DCK: variants seen among roughly 807,000 people sequenced by gnomAD.
DCK encodes deoxyadenosine kinase.
DCK carries 23 observed loss-of-function variants against 38.3 expected under a neutral mutation model. The observed-to-expected ratio is 0.60, with a 90% CI of 0.43 to 0.85. The LOEUF is 0.85. Among genes scored for constraint, DCK ranks in the 40% least tolerant of loss-of-function variants. The pLI, the probability that DCK is intolerant of heterozygous loss-of-function variation, is 0.00. For missense variants in DCK, 259 were observed against 304.4 expected (o/e 0.85, Z 1.11); for synonymous variants, 108 against 100.6 (o/e 1.07, Z -0.44).
chr4:71,006,941 A>T (rs1739960616), intron 2 of DCK, among the ~76,000 whole-genome samples: 1 of 152,250 alleles, frequency 6.6e-6, no homozygotes, highest in Admixed American at 6.5e-5. Flanking sequence ...TGGTATAAGG[A>T]ATTCTGGGAA....
intron 2 of DCK, among the ~76,000 whole-genome samples, chr4:70,999,653 TC>T (rs539872048): frequency 1.3e-5 from 2 of 152,226 alleles, no homozygotes; most frequent in African/African-American, 4.8e-5. Context: ...GTAAAAGCAT[TC>T]CTATTTCTCC....
In DCK at chr4:71,029,587, G is replaced by A; in HGVS notation, c.*209G>A. 1.9e-6 allele frequency: 1 copy of A among 523,446 alleles called. No homozygotes were observed. Among genetic ancestry groups the A allele is most frequent in the Non-Finnish European group, 3.4e-6 (1 of 295,092 alleles). 32.4% of individuals were successfully genotyped at this position (523,446 alleles called of 1,614,324 possible). ...TTTTTTTTTAAAAAAGACATTTAAA[G>A]ACAAAGACATTATTTCTCATAGCAG... is the stretch of plus-strand genomic sequence containing the variant. On this transcript the variant is annotated 3_prime_UTR_variant, in exon 7 of 7. Coordinates refer to ENST00000286648, the MANE Select transcript of DCK (RefSeq NM_000788.3).
chr4:71,001,685 A>G (rs1412836978), intron 2 of DCK, among the ~76,000 whole-genome samples: 1 of 152,008 alleles, frequency 6.6e-6, no homozygotes, highest in Non-Finnish European at 1.5e-5. Flanking sequence ...TGTTCATTAA[A>G]CCAGAGTTCT....
intron 2 of DCK, among the ~76,000 whole-genome samples, chr4:71,010,872 A>G (rs762274177): frequency 1.3e-4 from 20 of 151,716 alleles, no homozygotes; most frequent in Admixed American, 7.2e-4. Flanking sequence ...AGTAATTGTG[A>G]TAAAGAAGGT....
intron 6 of DCK, 186 bp downstream of exon 6, chr4:71,026,941 T>A (rs1223437080): frequency 2.8e-6 from 1 of 357,244 alleles, no homozygotes; most frequent in African/African-American, 2.1e-5. Context: ...TGGCCTGAGC[T>A]AAAATAAAGA....
At chr4:71,023,771 G>T in intron 4 of DCK, 65 bp downstream of exon 4, 1 of 1,482,180 alleles carries the variant, frequency 6.7e-7, no homozygotes, top group Non-Finnish European at 9.1e-7. Context: ...CTTTTCAGTG[G>T]TATATAATGA....
intron 2 of DCK, among the ~76,000 whole-genome samples, chr4:71,021,983 C>G (rs1452193470): frequency 6.6e-6 from 1 of 151,898 alleles, no homozygotes; most frequent in African/African-American, 2.4e-5. Context: ...GCTGGGGCAA[C>G]AGAGCAAGAC....
intron 2 of DCK, among the ~76,000 whole-genome samples, chr4:71,012,228 C>A (rs1478311747): frequency 6.6e-6 from 1 of 152,312 alleles, no homozygotes; most frequent in South Asian, 2.1e-4. Context: ...GAGGGGCGCC[C>A]ACCATTGCTG....
In DCK at chr4:71,025,814, A is replaced by G. The variant is rs747079419; in HGVS notation, c.550-2A>G. On this transcript the variant is annotated splice_acceptor_variant, in intron 4 of 6. Transcript: ENST00000286648. LOFTEE classifies it high-confidence loss of function. Reference sequence around the variant, plus strand: ...CTTCCATCTCTTATTACTTGCTTTTAGACATGCTTACATAGAATATATTTA... The same window carrying G: ...CTTCCATCTCTTATTACTTGCTTTTGGACATGCTTACATAGAATATATTTA... The G allele has an allele frequency of 6.3e-7, 1 of 1,593,978 alleles. No individual in the cohort carries two copies. Among genetic ancestry groups the G allele is most frequent in the East Asian group, 2.2e-5 (1 of 44,514 alleles).
chr4:71,014,868 A>C (rs916224322), intron 2 of DCK, among the ~76,000 whole-genome samples: 1 of 152,358 alleles, frequency 6.6e-6, no homozygotes, highest in South Asian at 2.1e-4. Context: ...GAACTAGAGA[A>C]GCAAGAGTAA....
At chr4:71,003,505 C>G (rs1313967622) in intron 2 of DCK, among the ~76,000 whole-genome samples, 1 of 152,124 alleles carries the variant, frequency 6.6e-6, no homozygotes, top group East Asian at 1.9e-4. Context: ...GTTGGCCTGT[C>G]TTGCTAGGTT....
At chr4:71,010,252 T>TA (rs1740052731) in intron 2 of DCK, among the ~76,000 whole-genome samples, 1 of 151,582 alleles carries the variant, frequency 6.6e-6, no homozygotes, top group South Asian at 2.1e-4. Context: ...GGCAAAATAG[T>TA]AAGAGGCAAA....
rs1051698561 is a variant in DCK, at chr4:71,030,428, A to G, written c.*1050A>G. On this transcript the variant is annotated 3_prime_UTR_variant, in exon 7 of 7. Transcript: ENST00000286648. The stretch of plus-strand genomic sequence containing the variant: ...GAGTCATTTTCACTTTTAAACTACT[A>G]TTTTTCTTTCCAAGTCATTTTTGTT... The G allele has an allele frequency of 2.6e-5, 4 of 152,008 alleles. No individual in the cohort carries two copies. Among genetic ancestry groups the G allele is most frequent in the Non-Finnish European group, 5.9e-5 (4 of 67,942 alleles). 9.4% of individuals were successfully genotyped at this position (152,008 alleles called of 1,614,324 possible). A position where few individuals can be genotyped will look rare whatever the true frequency, so the allele number is the denominator to read the frequency against.
intron 2 of DCK, among the ~76,000 whole-genome samples, chr4:71,019,413 T>A (rs188846134): frequency 2.0e-5 from 3 of 152,096 alleles, no homozygotes; most frequent in African/African-American, 7.2e-5. Flanking sequence ...AATATAAAAT[T>A]TATCATCTGA....
chr4:71,002,520 T>A (rs1403001052), intron 2 of DCK, among the ~76,000 whole-genome samples: 1 of 152,192 alleles, frequency 6.6e-6, no homozygotes, highest in African/African-American at 2.4e-5. Flanking sequence ...AATATCCTTG[T>A]TAATTTTCTG....
chr4:71,011,443 G>C (rs140163774), intron 2 of DCK, among the ~76,000 whole-genome samples: 1 of 151,774 alleles, frequency 6.6e-6, no homozygotes, highest in Non-Finnish European at 1.5e-5. Context: ...TGCAGCCTCC[G>C]CCTCCTGGGC....
At chr4:70,997,891 G>C (rs996819404) in intron 1 of DCK, among the ~76,000 whole-genome samples, 176 bp from the exon 2 acceptor site, 1 of 152,210 alleles carries the variant, frequency 6.6e-6, no homozygotes, top group Non-Finnish European at 1.5e-5. Context: ...TAATGAAATT[G>C]GGCAGGGAGC....
At chr4:71,016,192 A>G (rs1303385595) in intron 2 of DCK, among the ~76,000 whole-genome samples, 1 of 152,222 alleles carries the variant, frequency 6.6e-6, no homozygotes, top group African/African-American at 2.4e-5. Flanking sequence ...AGTTGCTTCA[A>G]AGAGAATAAA....
intron 2 of DCK, among the ~76,000 whole-genome samples, chr4:71,016,713 G>A (rs1009566387): frequency 6.6e-6 from 1 of 152,150 alleles, no homozygotes; most frequent in Non-Finnish European, 1.5e-5. Context: ...AACGGTGCTG[G>A]AAAAATGGCT....
Sources: allele counts gnomAD v4.1 joint callset (sites outside exome capture counted in the v4.1 genomes callset), GRCh38; gene constraint gnomAD v4.1.1; transcripts MANE v1.5; gene names NCBI Gene and HGNC (gene_info 2026-07-23, HGNC 2026-07-21).